MARCHF8: variants seen among roughly 807,000 people sequenced by gnomAD.
The protein encoded by MARCHF8 is E3 ubiquitin-protein ligase MARCHF8.
MARCHF8 carries 40 observed loss-of-function variants against 51.6 expected under a neutral mutation model. That is an observed-to-expected ratio of 0.77 (90% confidence interval 0.60 to 1.01). The LOEUF is 1.01. Among genes scored for constraint, MARCHF8 ranks in the 50% least tolerant of loss-of-function variants. MARCHF8 has a pLI of 0.00. For missense variants in MARCHF8, 685 were observed against 708.6 expected, an observed-to-expected ratio of 0.97 and a Z score of 0.38; for synonymous variants, 263 against 280.3, an observed-to-expected ratio of 0.94 and a Z score of 0.62.
chr10:45,588,755 T>C (rs370637986), intron 1 of MARCHF8, among the ~76,000 whole-genome samples: 2 of 152,244 alleles, frequency 1.3e-5, no homozygotes, highest in East Asian at 3.9e-4. Context: ...TCCCAGCACT[T>C]TGGGAGGCCA....
intron 1 of MARCHF8, among the ~76,000 whole-genome samples, chr10:45,545,662 T>C (rs1038867520): frequency 3.9e-5 from 6 of 152,078 alleles, no homozygotes; most frequent in African/African-American, 1.4e-4. Flanking sequence ...AAAACTTGAG[T>C]TTCCTAAGTT....
At chr10:45,493,564 T>C (rs1253970743) in intron 2 of MARCHF8, among the ~76,000 whole-genome samples, 1 of 152,190 alleles carries the variant, frequency 6.6e-6, no homozygotes, top group Non-Finnish European at 1.5e-5. Context: ...TGTTTTCTCC[T>C]TTAGCCAGTG....
chr10:45,559,345 A>G (rs146661794), intron 1 of MARCHF8, among the ~76,000 whole-genome samples: 205 of 152,342 alleles, frequency 1.3e-3, no homozygotes, highest in African/African-American at 4.7e-3. Flanking sequence ...TTTTTAAGAA[A>G]TACAATGGTC....
chr10:45,542,518 G>A (rs1006415374), intron 1 of MARCHF8, among the ~76,000 whole-genome samples: 6 of 151,964 alleles, frequency 3.9e-5, no homozygotes, highest in Non-Finnish European at 7.4e-5. Context: ...TCCAAGCCTC[G>A]ATGGGAGTAT....
chr10:45,474,971 G>T (rs1287068373), intron 3 of MARCHF8, among the ~76,000 whole-genome samples: 1 of 152,160 alleles, frequency 6.6e-6, no homozygotes, highest in Non-Finnish European at 1.5e-5. Flanking sequence ...AGCTCGTGAT[G>T]GGTCCCACAC....
intron 2 of MARCHF8, among the ~76,000 whole-genome samples, chr10:45,491,993 T>G (rs1218495821): frequency 6.6e-6 from 1 of 152,254 alleles, no homozygotes; most frequent in Admixed American, 6.5e-5. Flanking sequence ...GAGAACTACC[T>G]GCTAACTTAA....
chr10:45,461,182 G>A lies in MARCHF8; in HGVS notation c.1269+49C>T, dbSNP rs181190448. On this transcript the variant is annotated intron_variant, in intron 6 of 7. Coordinates refer to ENST00000453424, the MANE Select transcript of MARCHF8 (RefSeq NM_001282866.2). The stretch of plus-strand genomic sequence containing the variant: ...TCATGATCTGAGACACCAGCTTTCT[G>A]GGGGTCACTGGTTTCAGGAAGGGTG... The A allele has an allele frequency of 9.5e-5, 129 of 1,362,540 alleles. 1 individual carries two copies. In the East Asian group the frequency reaches 2.4e-3, roughly 25 times the overall value. The allele number at this position is 1,362,540 out of a possible 1,614,324, so 84.4% of individuals were successfully genotyped here.
intron 1 of MARCHF8, among the ~76,000 whole-genome samples, chr10:45,555,391 T>C (rs1220898979): frequency 6.6e-6 from 1 of 152,006 alleles, no homozygotes; most frequent in Admixed American, 6.5e-5. Flanking sequence ...TTAATGTAAT[T>C]AACTCATTAA....
chr10:45,489,508 T>G (rs1186083639), intron 2 of MARCHF8, 91 bp from the exon 3 acceptor site: 1 of 1,172,828 alleles, frequency 8.5e-7, no homozygotes, highest in Non-Finnish European at 1.3e-6. Context: ...TACTGACAAA[T>G]CATTCCCTGA....
rs576141299 is a variant in MARCHF8, at chr10:45,564,413, C to A, written c.-79+29822G>T. ...CACAGTCACTGAACTGGAAAACAAA[C>A]CAATAGGAATTACCCACACTGAAAA... On this transcript the variant is annotated intron_variant, in intron 1 of 6. Transcript: ENST00000319836. 7.9e-5 allele frequency among the ~76,000 whole-genome samples: 12 copies of A among 152,108 alleles called. 2 individuals are homozygous for A. Among genetic ancestry groups the A allele is most frequent in the African/African-American group, 2.4e-4 (10 of 41,500 alleles).
At chr10:45,570,662 G>C (rs894828642) in intron 1 of MARCHF8, among the ~76,000 whole-genome samples, 1 of 152,120 alleles carries the variant, frequency 6.6e-6, no homozygotes, top group Non-Finnish European at 1.5e-5. Context: ...TATTTGAAAC[G>C]AAGTTATAAA....
chr10:45,583,405 A>G (rs750831569), intron 1 of MARCHF8, among the ~76,000 whole-genome samples: 34 of 152,196 alleles, frequency 2.2e-4, no homozygotes, highest in Non-Finnish European at 4.4e-4. Flanking sequence ...TCAAAGATAT[A>G]TATATGAGAA....
upstream of MARCHF8, among the ~76,000 whole-genome samples, chr10:45,539,702 A>T (rs1316516022): frequency 6.6e-6 from 1 of 152,242 alleles, no homozygotes; most frequent in African/African-American, 2.4e-5. Context: ...CTCTATGCAA[A>T]TAAACTAGAA....
At chr10:45,473,070 A>G (rs2132994787) in intron 3 of MARCHF8, among the ~76,000 whole-genome samples, 1 of 152,354 alleles carries the variant, frequency 6.6e-6, no homozygotes, top group South Asian at 2.1e-4. Context: ...GGTCTTGACA[A>G]TCACATCCAG....
chr10:45,466,607 C>T lies in MARCHF8; in HGVS notation c.154-2280G>A, dbSNP rs144559092. ...GCAGCAGAGGAAAGTACCTAGTCAC[C>T]CTCCTCCCTTTTATCTTAGTAAGAG... On this transcript the variant is annotated intron_variant, in intron 3 of 7. Coordinates refer to ENST00000453424, the MANE Select transcript of MARCHF8 (RefSeq NM_001282866.2). 7.1e-4 allele frequency among the ~76,000 whole-genome samples: 108 copies of T among 152,210 alleles called. 1 individual carries two copies. In the East Asian group the frequency reaches 0.017, roughly 24 times the overall value.
At position 45,491,403 on chromosome 10, in the gene MARCHF8, T is replaced by C. The variant is rs372538258; in HGVS notation, c.103-1986A>G. Among the ~76,000 whole-genome samples the C allele has an allele frequency of 3.3e-5, 5 of 152,232 alleles. No homozygotes were observed. The East Asian group carries it at 9.7e-4, about 29-fold the overall frequency. On this transcript the variant is annotated intron_variant, in intron 2 of 7. Coordinates refer to ENST00000453424, the MANE Select transcript of MARCHF8 (RefSeq NM_001282866.2). ...AAATACAAAAATTAGCCGGGCATGG[T>C]GGCACGTGCCTATAATCCCAACTAC...
At chr10:45,473,891 G>T (rs373110680) in intron 3 of MARCHF8, among the ~76,000 whole-genome samples, 10 of 152,098 alleles carry the variant, frequency 6.6e-5, no homozygotes, top group African/African-American at 2.4e-4. Flanking sequence ...GGTGACAAAT[G>T]ATCTTTCTAC....
intron 1 of MARCHF8, among the ~76,000 whole-genome samples, chr10:45,534,879 C>G (rs991591733): frequency 2.0e-5 from 3 of 152,130 alleles, no homozygotes; most frequent in Admixed American, 6.5e-5. Flanking sequence ...AGCAGAGGAG[C>G]ACCAGGAATC....
chr10:45,469,040 C>A (rs767334346), intron 3 of MARCHF8, among the ~76,000 whole-genome samples: 3 of 152,084 alleles, frequency 2.0e-5, no homozygotes, highest in Non-Finnish European at 4.4e-5. Context: ...GCTGGAATCA[C>A]CCTAAATGCC....
Sources: gnomAD v4.1 joint callset for allele counts (sites outside exome capture counted in the v4.1 genomes callset) on GRCh38, gnomAD v4.1.1 for gene constraint, MANE v1.5 for transcripts, NCBI Gene and HGNC (gene_info 2026-07-23, HGNC 2026-07-21) for gene names.